The following INPP5A variants were observed in gnomAD, a reference collection of about 807,000 sequenced individuals.
INPP5A encodes the protein inositol polyphosphate-5-phosphatase A, also known as 43 kDa inositol polyphosphate 5-phophatase.
Under a neutral mutation model 65.2 loss-of-function variants are expected in INPP5A, and 14 were observed. That is an observed-to-expected ratio of 0.21 (90% CI 0.14 to 0.34). INPP5A has a LOEUF of 0.34. Among genes scored for constraint, INPP5A ranks in the 10% least tolerant of loss-of-function variants. The probability of loss-of-function intolerance (pLI) is 1.00; values close to 1 mark genes in which losing one functional copy is unlikely to be tolerated. For synonymous variants in INPP5A, 207 were observed against 208.3 expected (o/e 0.99, Z 0.05); for missense variants, 431 against 545.6 (o/e 0.79, Z 2.09).
At chr10:132,776,417 T>TC (rs1847064078) in intron 12 of INPP5A, among the ~76,000 whole-genome samples, 1 of 151,948 alleles carries the variant, frequency 6.6e-6, no homozygotes, top group African/African-American at 2.4e-5. Flanking sequence ...GTGGGCAGGG[T>TC]CCGGGGGGCA....
At chr10:132,642,112 G>A (rs2072433731) in intron 2 of INPP5A, among the ~76,000 whole-genome samples, 1 of 152,186 alleles carries the variant, frequency 6.6e-6, no homozygotes, top group Non-Finnish European at 1.5e-5. Flanking sequence ...GGGAAGGGGC[G>A]GCCTTCTGGG....
At chr10:132,744,107 A>C (rs910180717) in intron 9 of INPP5A, among the ~76,000 whole-genome samples, 5 of 152,378 alleles carry the variant, frequency 3.3e-5, no homozygotes, top group Admixed American at 3.3e-4. Context: ...AGACACCACC[A>C]GGGAAACAGG....
At chr10:132,641,018 T>G (rs2072421689) in intron 2 of INPP5A, among the ~76,000 whole-genome samples, 1 of 152,256 alleles carries the variant, frequency 6.6e-6, no homozygotes, top group South Asian at 2.1e-4. Context: ...TGTTCACCCC[T>G]CTGTCTGTGT....
intron 4 of INPP5A, among the ~76,000 whole-genome samples, chr10:132,673,711 T>A (rs1406715530): frequency 6.6e-6 from 1 of 152,224 alleles, no homozygotes; most frequent in Non-Finnish European, 1.5e-5. Context: ...ATGGTAGTCT[T>A]CACAGAAGCA....
chr10:132,586,717 TCCCTCCCGCTG>T (rs1185909843), intron 1 of INPP5A, among the ~76,000 whole-genome samples: 1 of 152,214 alleles, frequency 6.6e-6, no homozygotes, highest in Non-Finnish European at 1.5e-5. Flanking sequence ...CTTCTGTGCT[TCCCTCCCGCTG>T]AATTTCCCCA....
rs867374977 is a variant in INPP5A, at chr10:132,781,770, C to T, written c.1159-91C>T. 7 of 1,055,384 alleles carry T rather than the reference C, an allele frequency of 6.6e-6. No homozygotes were observed. The African/African-American group carries it at 9.3e-5, about 14-fold the overall frequency. 65.4% of individuals were successfully genotyped at this position (1,055,384 alleles called of 1,614,324 possible). A position where few individuals can be genotyped will look rare whatever the true frequency, so the allele number is the denominator to read the frequency against. ...CCGGTTCATGGCTGCCCTGGTGAGA[C>T]GCAGGGTCTGGGGGTGCAACGGGAG... On this transcript the variant is annotated intron_variant, in intron 14 of 15. Coordinates refer to ENST00000368594, the MANE Select transcript of INPP5A (RefSeq NM_005539.5).
intron 9 of INPP5A, among the ~76,000 whole-genome samples, chr10:132,736,770 G>A (rs1217593594): frequency 6.6e-6 from 1 of 152,210 alleles, no homozygotes; most frequent in Non-Finnish European, 1.5e-5. Flanking sequence ...CTGGGAGGAG[G>A]AGCAGCTGTC....
rs1010095304 is a variant in INPP5A at position 132,627,639 on chromosome 10, C to G, written c.118-18229C>G. Among the ~76,000 whole-genome samples, 1 of 152,124 alleles carries G rather than the reference C, an allele frequency of 6.6e-6. No homozygotes were observed. Among genetic ancestry groups the G allele is most frequent in the African/African-American group, 2.4e-5 (1 of 41,414 alleles). On this transcript the variant is annotated intron_variant, in intron 2 of 15. Transcript: ENST00000368594. The surrounding 1 kb of genome is among the most constrained non-coding windows in gnomAD (Gnocchi z 6.6). ...GCCGAAAAAGACACCTTCCAGGAAT[C>G]GTGGTGAAAGCAGCGAGCACAGTGT...
chr10:132,677,313 G>A (rs2072979509), intron 4 of INPP5A, among the ~76,000 whole-genome samples: 1 of 152,200 alleles, frequency 6.6e-6, no homozygotes, highest in Non-Finnish European at 1.5e-5. Flanking sequence ...CTCTGTCATG[G>A]CCCCCCTCAC....
intron 11 of INPP5A, among the ~76,000 whole-genome samples, chr10:132,752,690 ATGGAGGGGGTGCGGCG>A (rs1846517260): frequency 1.8e-5 from 1 of 55,758 alleles, no homozygotes; most frequent in Non-Finnish European, 3.6e-5. Context: ...GGGGTGCGGC[ATGGAGGGGGTGCGGCG>A]TGGAGGCGGT....
At chr10:132,722,807 C>T (rs1845910901) in intron 8 of INPP5A, among the ~76,000 whole-genome samples, 1 of 152,202 alleles carries the variant, frequency 6.6e-6, no homozygotes, top group Non-Finnish European at 1.5e-5. Context: ...TATGGCTCTT[C>T]TTGTAATTCT....
At chr10:132,585,489 T>G (rs776586172) in intron 1 of INPP5A, among the ~76,000 whole-genome samples, 1 of 152,252 alleles carries the variant, frequency 6.6e-6, no homozygotes, top group Non-Finnish European at 1.5e-5. Flanking sequence ...TGGATATGTA[T>G]GTATGTATAG....
At chr10:132,660,834 C>T (rs1233019913) in intron 4 of INPP5A, among the ~76,000 whole-genome samples, 1 of 152,206 alleles carries the variant, frequency 6.6e-6, no homozygotes, top group Non-Finnish European at 1.5e-5. Flanking sequence ...CCTCTGATAT[C>T]TACCTTTTAA....
chr10:132,622,949 ACCGT>A (rs1254642717), intron 2 of INPP5A, among the ~76,000 whole-genome samples: 5 of 149,344 alleles, frequency 3.3e-5, no homozygotes, highest in African/African-American at 7.6e-5. Flanking sequence ...TGAGAAATAT[ACCGT>A]CCGTGTTCGT....
At chr10:132,639,646 G>A (rs373779937) in intron 2 of INPP5A, among the ~76,000 whole-genome samples, 23 of 152,300 alleles carry the variant, frequency 1.5e-4, no homozygotes, top group East Asian at 1.9e-4. Flanking sequence ...CATTTTGGCC[G>A]TTGTTTTTTC....
intron 8 of INPP5A, among the ~76,000 whole-genome samples, chr10:132,718,651 T>C (rs1448235077): frequency 2.1e-5 from 3 of 141,560 alleles, no homozygotes; most frequent in Non-Finnish European, 4.6e-5. Context: ...CTGGGCGCCT[T>C]AGATGCTGTC....
intron 9 of INPP5A, among the ~76,000 whole-genome samples, chr10:132,732,201 C>G (rs1846099140): frequency 6.6e-6 from 1 of 152,348 alleles, no homozygotes; most frequent in Admixed American, 6.5e-5. Context: ...TCTTACTGTT[C>G]TGCGCTGTTT....
Position 132,554,758 on chromosome 10 carries a change from GCGT to G in INPP5A, c.75+16591_75+16593del, listed in dbSNP as rs903419128. 2.0e-4 allele frequency among the ~76,000 whole-genome samples: 31 copies of G among 151,926 alleles called. No homozygotes were observed. In the East Asian group the frequency reaches 4.8e-3, roughly 24 times the overall value. ...GTGTGTGGCATGATTGGTGTGGGTG[GCGT>G]CGTTGGCACTGATGTGGGTAGCGTG... On this transcript the variant is annotated intron_variant, in intron 1 of 15. Coordinates refer to ENST00000368594, the MANE Select transcript of INPP5A (RefSeq NM_005539.5).
intron 4 of INPP5A, among the ~76,000 whole-genome samples, chr10:132,682,121 C>T (rs1402713773): frequency 4.1e-5 from 6 of 147,568 alleles, no homozygotes; most frequent in African/African-American, 1.2e-4. Context: ...AGGTGGACAG[C>T]GTCCTGGAGG....
Sources: gnomAD v4.1 joint callset for allele counts (sites outside exome capture counted in the v4.1 genomes callset) on GRCh38, gnomAD v4.1.1 for gene constraint, Gnocchi (gnomAD v3.1) non-coding constraint, MANE v1.5 for transcripts, NCBI Gene and HGNC (gene_info 2026-07-23, HGNC 2026-07-21) for gene names.